Variants in PTPRT observed in about 807,000 individuals in gnomAD.
PTPRT encodes receptor-type tyrosine-protein phosphatase T.
Under a neutral mutation model 176.8 loss-of-function variants are expected in PTPRT, and 56 were observed. That is an observed-to-expected ratio of 0.32 (90% CI 0.26 to 0.40). The LOEUF (loss-of-function observed/expected upper bound fraction) is 0.40. Ranked by LOEUF, PTPRT falls within the 10% of genes least tolerant of loss-of-function variation. The pLI is 1.00. For synonymous variants in PTPRT, 783 were observed against 739.0 expected, an observed-to-expected ratio of 1.06 and a Z score of -0.96; for missense variants, 1,540 against 1,908.2, an observed-to-expected ratio of 0.81 and a Z score of 3.60.
chr20:42,467,573 G>A (rs1307327946), intron 8 of PTPRT, among the ~76,000 whole-genome samples: 1 of 152,232 alleles, frequency 6.6e-6, no homozygotes, highest in Non-Finnish European at 1.5e-5. Context: ...AAATAGCATT[G>A]TGGGTATGTA....
intron 16 of PTPRT, among the ~76,000 whole-genome samples, chr20:42,177,973 T>G (rs1283060839): frequency 6.6e-6 from 1 of 151,744 alleles, no homozygotes; most frequent in Non-Finnish European, 1.5e-5. Flanking sequence ...AGTCTAGCTC[T>G]TTCGCCCAGG....
intron 1 of PTPRT, among the ~76,000 whole-genome samples, chr20:42,917,883 G>T (rs1259974470): frequency 6.6e-6 from 1 of 152,180 alleles, no homozygotes; most frequent in Non-Finnish European, 1.5e-5. Flanking sequence ...ACTGGAGAGG[G>T]AAGTGTTAAA....
chr20:42,874,806 T>C (rs537318553), intron 2 of PTPRT, among the ~76,000 whole-genome samples: 1 of 152,312 alleles, frequency 6.6e-6, no homozygotes, highest in African/African-American at 2.4e-5. Context: ...GTCCAGGAAG[T>C]GGTATACACA....
At chr20:42,570,915 T>C (rs2073142074) in intron 7 of PTPRT, among the ~76,000 whole-genome samples, 1 of 151,680 alleles carries the variant, frequency 6.6e-6, no homozygotes, top group East Asian at 1.9e-4. Flanking sequence ...TATTCACAGA[T>C]TCTGGGGATT....
chr20:43,137,661 C>T (rs1216373256), intron 1 of PTPRT, among the ~76,000 whole-genome samples: 1 of 152,206 alleles, frequency 6.6e-6, no homozygotes, highest in Non-Finnish European at 1.5e-5. Context: ...ATTTCCCTGA[C>T]TCCTCTTCCC....
At chr20:42,047,710 C>T in the PTPRT span, among the ~76,000 whole-genome samples, 6 of 152,164 alleles carry the variant, frequency 3.9e-5, no homozygotes, top group Admixed American at 6.5e-5. Context: ...TGTGACTAAG[C>T]GGCTATGCTT....
chr20:42,552,464 G>T lies in PTPRT; in HGVS notation c.1154-79902C>A, dbSNP rs573855039. 1.4e-4 allele frequency among the ~76,000 whole-genome samples: 22 copies of T among 152,240 alleles called. 1 individual carries two copies. Among genetic ancestry groups the T allele is most frequent in the African/African-American group, 5.3e-4 (22 of 41,548 alleles). On this transcript the variant is annotated intron_variant, in intron 7 of 30. Coordinates refer to ENST00000373187, the MANE Select transcript of PTPRT (RefSeq NM_007050.6). ...TATCCAATCTTATCCCAAAATAAAT[G>T]CTAGATGAAATAAAGCTCTCAGTGT...
At chr20:42,370,595 T>A (rs977720747) in intron 9 of PTPRT, among the ~76,000 whole-genome samples, 1 of 152,194 alleles carries the variant, frequency 6.6e-6, no homozygotes, top group South Asian at 2.1e-4. Flanking sequence ...TACCCTGATT[T>A]TCTCTTCTGT....
intron 16 of PTPRT, among the ~76,000 whole-genome samples, chr20:42,169,336 A>G (rs995301983): frequency 6.6e-6 from 1 of 152,130 alleles, no homozygotes; most frequent in Non-Finnish European, 1.5e-5. Context: ...AAAGAGATCA[A>G]TCCTCCTGCT....
chr20:42,915,328 C>G (rs1978665301), intron 1 of PTPRT, among the ~76,000 whole-genome samples: 1 of 152,214 alleles, frequency 6.6e-6, no homozygotes, highest in South Asian at 2.1e-4. Context: ...CAGGCCTGGC[C>G]AGGCTATAGG....
chr20:43,154,462 A>AGCTTTGTT (rs1317776331), intron 1 of PTPRT, among the ~76,000 whole-genome samples: 4 of 152,218 alleles, frequency 2.6e-5, no homozygotes, highest in African/African-American at 9.6e-5. Flanking sequence ...TGATGCCTCC[A>AGCTTTGTT]GCTTTGTTAT....
intron 6 of PTPRT, among the ~76,000 whole-genome samples, chr20:42,733,255 A>T (rs191953188): frequency 6.6e-6 from 1 of 152,294 alleles, no homozygotes; most frequent in East Asian, 1.9e-4. Flanking sequence ...TCACAGCGGG[A>T]GGATGGAGCA....
chr20:42,773,534 A>G (rs999945004), intron 4 of PTPRT, among the ~76,000 whole-genome samples: 1 of 152,188 alleles, frequency 6.6e-6, no homozygotes, highest in Non-Finnish European at 1.5e-5. Context: ...TTGAGCCACC[A>G]TGGCTGGTGT....
chr20:42,102,031 G>T, intron 26 of PTPRT, 93 bp downstream of exon 26: 1 of 1,432,566 alleles, frequency 7.0e-7, no homozygotes, highest in Non-Finnish European at 9.6e-7. Context: ...CTGGCTGGTG[G>T]GGTCAGGGCC....
At chr20:43,019,386 C>T (rs1434629448) in intron 1 of PTPRT, among the ~76,000 whole-genome samples, 3 of 152,034 alleles carry the variant, frequency 2.0e-5, no homozygotes, top group Non-Finnish European at 2.9e-5. Flanking sequence ...TTTGGGAGGT[C>T]AAGGCGGGCA....
chr20:42,800,147 T>C (rs968326229), intron 2 of PTPRT, among the ~76,000 whole-genome samples: 4 of 152,226 alleles, frequency 2.6e-5, no homozygotes, highest in African/African-American at 9.6e-5. Flanking sequence ...ACTACTATCA[T>C]TCTTCTTTTA....
At chr20:42,838,580 A>C (rs1259909292) in intron 2 of PTPRT, among the ~76,000 whole-genome samples, 1 of 152,150 alleles carries the variant, frequency 6.6e-6, no homozygotes, top group African/African-American at 2.4e-5. Context: ...TTGCTCTGTG[A>C]TCCCACCATT....
At position 42,539,361 on chromosome 20, in the gene PTPRT, CT is replaced by C. The variant is rs71193665; in HGVS notation, c.1154-66800del. Among the ~76,000 whole-genome samples the C allele has an allele frequency of 5.4e-3, 718 of 134,148 alleles. 1 individual carries two copies. The highest frequency in any genetic ancestry group is 0.012 in the Middle Eastern group (3 of 248). The allele number at this position is 134,148 out of a possible 152,430, so 88.0% of individuals were successfully genotyped here. On this transcript the variant is annotated intron_variant, in intron 7 of 30. Coordinates refer to ENST00000373187, the MANE Select transcript of PTPRT (RefSeq NM_007050.6). ...TTACAAAAGTGGAGGATCACCATCA[CT>C]TTTTTTTTTTTTTTTTGTGGTAATC... is the stretch of plus-strand genomic sequence containing the variant.
At chr20:42,540,226 T>C (rs1278419581) in intron 7 of PTPRT, among the ~76,000 whole-genome samples, 1 of 152,158 alleles carries the variant, frequency 6.6e-6, no homozygotes. Flanking sequence ...CACTGGATGC[T>C]GGGATGTAAT....
Sources: allele counts gnomAD v4.1 joint callset (sites outside exome capture counted in the v4.1 genomes callset), GRCh38; gene constraint gnomAD v4.1.1; transcripts MANE v1.5; gene names NCBI Gene and HGNC (gene_info 2026-07-23, HGNC 2026-07-21).